Variants in MCHR2 observed in about 807,000 individuals in gnomAD.
MCHR2 encodes melanin concentrating hormone receptor 2.
MCHR2 carries 15 observed loss-of-function variants against 24.8 expected under a neutral mutation model. The observed-to-expected ratio is 0.60, with a 90% CI of 0.40 to 0.93. MCHR2 has a LOEUF of 0.93. Ranked by LOEUF, MCHR2 falls within the 40% of genes least tolerant of loss-of-function variation. The probability of loss-of-function intolerance (pLI) is 0.00; values close to 1 mark genes in which losing one functional copy is unlikely to be tolerated. For missense variants in MCHR2, 386 were observed against 408.7 expected, an observed-to-expected ratio of 0.94 and a Z score of 0.48; for synonymous variants, 151 against 147.6, an observed-to-expected ratio of 1.02 and a Z score of -0.17.
intron 1 of MCHR2, among the ~76,000 whole-genome samples, chr6:99,962,201 G>C (rs777221747): frequency 2.6e-5 from 4 of 152,154 alleles, no homozygotes; most frequent in Non-Finnish European, 5.9e-5. Flanking sequence ...TGATAACTGA[G>C]ACAGCTACTA....
rs1774438798 is a variant in MCHR2 at position 99,929,029 on chromosome 6, T to C, written c.707+5369A>G. Among the ~76,000 whole-genome samples, 3 of 152,214 alleles carry C rather than the reference T, an allele frequency of 2.0e-5. No homozygotes were observed. The South Asian group carries it at 6.2e-4, about 32-fold the overall frequency. On this transcript the variant is annotated intron_variant, in intron 5 of 5. Coordinates refer to ENST00000281806, the MANE Select transcript of MCHR2 (RefSeq NM_001040179.2). Reference sequence around the variant, plus strand: ...TTTGAATGTGTCCCAGAGATTCTGGTATGTTGTGTCTTTGTTCTCGTTGGT... The same window carrying C: ...TTTGAATGTGTCCCAGAGATTCTGGCATGTTGTGTCTTTGTTCTCGTTGGT...
intron 1 of MCHR2, among the ~76,000 whole-genome samples, chr6:99,987,712 C>A (rs1413113227): frequency 1.3e-5 from 2 of 151,816 alleles, no homozygotes; most frequent in African/African-American, 2.4e-5. Flanking sequence ...AAAAAGTAAG[C>A]AAAATATAAG....
chr6:99,992,295 C>G (rs767194497), intron 1 of MCHR2, among the ~76,000 whole-genome samples: 1 of 152,176 alleles, frequency 6.6e-6, no homozygotes, highest in Non-Finnish European at 1.5e-5. Context: ...GGCTCCCTCC[C>G]GCACACCTGA....
At chr6:99,974,323 C>G (rs904443610) in intron 1 of MCHR2, among the ~76,000 whole-genome samples, 5 of 152,244 alleles carry the variant, frequency 3.3e-5, no homozygotes, top group African/African-American at 9.6e-5. Flanking sequence ...TCTTCCAACA[C>G]TGATACACTT....
intron 3 of MCHR2, 53 bp downstream of exon 3, chr6:99,947,709 G>A: frequency 6.4e-7 from 1 of 1,560,678 alleles, no homozygotes. Context: ...TGAGCTTGGG[G>A]AAGCACAGGC....
intron 1 of MCHR2, among the ~76,000 whole-genome samples, chr6:99,963,528 G>C (rs1486454199): frequency 2.0e-5 from 3 of 152,090 alleles, no homozygotes; most frequent in Non-Finnish European, 2.9e-5. Context: ...GAGAATTGTT[G>C]AATGAATATA....
chr6:99,940,209 C>T (rs1166049949), intron 4 of MCHR2, among the ~76,000 whole-genome samples: 1 of 151,974 alleles, frequency 6.6e-6, no homozygotes, highest in African/African-American at 2.4e-5. Flanking sequence ...CCCTCTTGAA[C>T]ACCGATAAGT....
Position 99,947,842 on chromosome 6 carries a change from AG to A in MCHR2, c.311del (p.Pro104LeufsTer21). ...ARGGEWVFGG[P>X]LCTIITSLDT... The stretch of plus-strand genomic sequence containing the variant: ...CCAGGGATGTGATGATGGTGCAGAG[AG>A]GCCCCCCAAACACCCACTCTCCCCC... On this transcript the variant is annotated frameshift_variant, in exon 3 of 6. Transcript: ENST00000281806. LOFTEE classifies it high-confidence loss of function. 7 of 1,613,796 alleles carry A rather than the reference AG, an allele frequency of 4.3e-6. No homozygotes were observed. Among genetic ancestry groups the A allele is most frequent in the Non-Finnish European group, 5.9e-6 (7 of 1,179,798 alleles).
At chr6:99,935,564 A>C (rs1002966855) in intron 4 of MCHR2, among the ~76,000 whole-genome samples, 1 of 151,876 alleles carries the variant, frequency 6.6e-6, no homozygotes, top group Non-Finnish European at 1.5e-5. Flanking sequence ...TGGATGAATG[A>C]TATTCTATTG....
chr6:99,927,244 T>C (rs1463299593), intron 5 of MCHR2, among the ~76,000 whole-genome samples: 2 of 152,210 alleles, frequency 1.3e-5, no homozygotes, highest in African/African-American at 4.8e-5. Context: ...TGCAGCCTTG[T>C]AGTATTGTTT....
chr6:99,947,505 C>T (rs1001913752), intron 3 of MCHR2, among the ~76,000 whole-genome samples: 8 of 151,770 alleles, frequency 5.3e-5, no homozygotes, highest in African/African-American at 1.9e-4. Context: ...ATTTTTTTTT[C>T]TTGCACTGAA....
chr6:99,991,672 T>C (rs1775878420), intron 1 of MCHR2, among the ~76,000 whole-genome samples: 1 of 151,132 alleles, frequency 6.6e-6, no homozygotes, highest in Non-Finnish European at 1.5e-5. Context: ...CTGGGCATGG[T>C]GGTGGGCGCC....
chr6:99,956,641 C>T (rs1380595926), intron 1 of MCHR2, among the ~76,000 whole-genome samples: 1 of 151,982 alleles, frequency 6.6e-6, no homozygotes, highest in Admixed American at 6.6e-5. Context: ...GTAAGACCTC[C>T]TGATGTGATT....
At chr6:99,961,888 G>C (rs116659070) in intron 1 of MCHR2, among the ~76,000 whole-genome samples, 46 of 152,128 alleles carry the variant, frequency 3.0e-4, no homozygotes, top group African/African-American at 1.1e-3. Flanking sequence ...ATCATGTCAA[G>C]TATCTTTTCC....
chr6:99,948,274 G>A (rs1774910451), intron 2 of MCHR2, among the ~76,000 whole-genome samples: 1 of 152,138 alleles, frequency 6.6e-6, no homozygotes, highest in Non-Finnish European at 1.5e-5. Flanking sequence ...ATGAGAATAT[G>A]GCAGAAGTGC....
chr6:99,938,310 A>C (rs894456224), intron 4 of MCHR2, among the ~76,000 whole-genome samples: 2 of 151,858 alleles, frequency 1.3e-5, no homozygotes, highest in South Asian at 4.2e-4. Flanking sequence ...AAGTCTTTCT[A>C]CTTTTTTGAT....
chr6:99,984,067 A>T (rs1237925923), intron 1 of MCHR2, among the ~76,000 whole-genome samples: 1 of 152,100 alleles, frequency 6.6e-6, no homozygotes, highest in Non-Finnish European at 1.5e-5. Flanking sequence ...CTTAAACGTA[A>T]AGGGTATTCA....
intron 1 of MCHR2, among the ~76,000 whole-genome samples, chr6:99,961,997 C>T (rs960727352): frequency 6.6e-6 from 1 of 152,160 alleles, no homozygotes; most frequent in South Asian, 2.1e-4. Flanking sequence ...TGGTATATCA[C>T]ATCAAACTCA....
intron 5 of MCHR2, among the ~76,000 whole-genome samples, chr6:99,931,981 C>A (rs4509128): frequency 0.61 from 93,058 of 151,880 alleles, 28,601 homozygotes; most frequent in East Asian, 0.76. Flanking sequence ...GCCATCTTGG[C>A]TCCTCCCTCC....
Sources: gnomAD v4.1 joint callset for allele counts (sites outside exome capture counted in the v4.1 genomes callset) on GRCh38, gnomAD v4.1.1 for gene constraint, MANE v1.5 for transcripts, NCBI Gene and HGNC (gene_info 2026-07-23, HGNC 2026-07-21) for gene names.